JAK2: variants seen among roughly 807,000 people sequenced by gnomAD.
JAK2 encodes tyrosine-protein kinase JAK2.
A neutral mutation model predicts 139.3 loss-of-function variants in JAK2; 86 were observed. The ratio of observed to expected loss-of-function variants is 0.62; its 90% CI spans 0.52 to 0.74. The LOEUF is 0.74. JAK2 is among the 30% of genes least tolerant of loss of function. The probability of loss-of-function intolerance (pLI) is 0.00; values close to 1 mark genes in which losing one functional copy is unlikely to be tolerated. For synonymous variants in JAK2, 490 were observed against 437.7 expected (o/e 1.12, Z -1.49); for missense variants, 1,421 against 1,360.3 (o/e 1.04, Z -0.70).
rs201739773 is a variant in JAK2, at chr9:5,036,603, A to C, written c.350+6697A>C. Among the ~76,000 whole-genome samples the C allele has an allele frequency of 1.8e-3, 274 of 152,316 alleles. 3 individuals are homozygous for C. Among genetic ancestry groups the C allele is most frequent in the African/African-American group, 6.0e-3 (249 of 41,578 alleles). On this transcript the variant is annotated intron_variant, in intron 4 of 24. Transcript: ENST00000381652. ...CTTTGACAAACCTGACAAAAACAAGAAATGGGGAAAGGATTCCCTATTTAA... is the reference window on the plus strand; with the variant it reads ...CTTTGACAAACCTGACAAAAACAAGCAATGGGGAAAGGATTCCCTATTTAA...
At chr9:5,009,147 A>T (rs867299715) in intron 2 of JAK2, among the ~76,000 whole-genome samples, 2 of 152,354 alleles carry the variant, frequency 1.3e-5, no homozygotes, top group Non-Finnish European at 2.9e-5. Context: ...AACAACACAA[A>T]TCTTAAAATA....
chr9:5,122,411 A>G (rs1388414521), intron 22 of JAK2, among the ~76,000 whole-genome samples: 1 of 151,990 alleles, frequency 6.6e-6, no homozygotes, highest in Non-Finnish European at 1.5e-5. Flanking sequence ...TTGCCTTGGA[A>G]CCAATTTTTT....
intron 4 of JAK2, chr9:5,041,091 G>A (rs1382257769): frequency 9.1e-5 from 65 of 716,414 alleles, no homozygotes; most frequent in Non-Finnish European, 9.6e-5. Flanking sequence ...ACTACAGCCT[G>A]GAGGACCTGT....
chr9:5,111,005 ACGGGAAGG>A, intron 22 of JAK2: 1 of 720,340 alleles, frequency 1.4e-6, no homozygotes, highest in Non-Finnish European at 2.4e-6. Flanking sequence ...CCCGTTGCCA[ACGGGAAGG>A]GCCGGCCCGC....
chr9:5,111,943 A>G (rs961115093), intron 22 of JAK2: 17 of 344,942 alleles, frequency 4.9e-5, no homozygotes, highest in African/African-American at 6.6e-5. Context: ...CACTCAAGCA[A>G]TAACTTGTGG....
intron 2 of JAK2, among the ~76,000 whole-genome samples, chr9:5,020,838 G>T (rs76850706): frequency 0.04 from 6,100 of 152,196 alleles, 314 homozygotes; most frequent in African/African-American, 0.12. Context: ...GGGGCTCTAG[G>T]GGTGTGGATA....
intron 19 of JAK2, among the ~76,000 whole-genome samples, chr9:5,086,368 C>G (rs1432542039): frequency 6.6e-6 from 1 of 151,532 alleles, no homozygotes; most frequent in Admixed American, 6.5e-5. Flanking sequence ...CCTCTTTATT[C>G]CTTTTTCCTC....
At chr9:5,002,993 A>C (rs190558984) in intron 2 of JAK2, among the ~76,000 whole-genome samples, 1 of 152,146 alleles carries the variant, frequency 6.6e-6, no homozygotes, top group East Asian at 1.9e-4. Context: ...TGAAATGACC[A>C]ATATTTCTTC....
Position 5,127,846 on chromosome 9 carries a change from T to G in JAK2, c.*1055T>G, listed in dbSNP as rs1172774783. 1 of 232,468 alleles carries G rather than the reference T, an allele frequency of 4.3e-6. No homozygotes were observed. The highest frequency in any genetic ancestry group is 2.2e-5 in the African/African-American group (1 of 45,298). 14.4% of individuals were successfully genotyped at this position (232,468 alleles called of 1,614,324 possible). A position where few individuals can be genotyped will look rare whatever the true frequency, so the allele number is the denominator to read the frequency against. On this transcript the variant is annotated 3_prime_UTR_variant, in exon 25 of 25. Transcript: ENST00000381652. ...GGGGTTTCAGAATTTTGCATTGCAGTCATAGAAGAGATTTATTTCCTTTTT... is the reference window on the plus strand; with the variant it reads ...GGGGTTTCAGAATTTTGCATTGCAGGCATAGAAGAGATTTATTTCCTTTTT...
At chr9:4,992,089 G>T (rs923073795) in intron 2 of JAK2, among the ~76,000 whole-genome samples, 3 of 152,206 alleles carry the variant, frequency 2.0e-5, no homozygotes, top group South Asian at 4.1e-4. Context: ...ACTAGGACAT[G>T]AGTTGGGAAG....
At chr9:4,999,010 A>G (rs1820771880) in intron 2 of JAK2, among the ~76,000 whole-genome samples, 1 of 151,406 alleles carries the variant, frequency 6.6e-6, no homozygotes. Flanking sequence ...TATTTTCAGT[A>G]GAGACGGGGT....
At chr9:5,077,426 A>C in intron 14 of JAK2, 27 bp from the exon 15 acceptor site, 1 of 836,730 alleles carries the variant, frequency 1.2e-6, no homozygotes, top group Non-Finnish European at 1.7e-6. Context: ...CTTAAGCCTT[A>C]TTATTATTAC....
At position 5,126,801 on chromosome 9, in the gene JAK2, C is replaced by T. The variant is rs1390858164; in HGVS notation, c.*10C>T. The stretch of plus-strand genomic sequence containing the variant: ...TAACATGGCTGGATGAAAGAAATGA[C>T]CTTCATTCTGAGACCAAAGTAGATT... On this transcript the variant is annotated 3_prime_UTR_variant, in exon 25 of 25. Transcript: ENST00000381652. 7.1e-6 allele frequency: 11 copies of T among 1,554,554 alleles called. No individual in the cohort carries two copies. The Admixed American group carries it at 1.7e-4, about 24-fold the overall frequency.
At chr9:5,030,018 T>C (rs987666398) in intron 4 of JAK2, 112 bp downstream of exon 4, 3 of 800,300 alleles carry the variant, frequency 3.7e-6, no homozygotes, top group Non-Finnish European at 5.8e-6. Context: ...ACCAATTAGT[T>C]AGCACTCATT....
intron 4 of JAK2, among the ~76,000 whole-genome samples, chr9:5,043,437 AAGAC>A (rs1816764323): frequency 1.3e-5 from 2 of 152,270 alleles, no homozygotes; most frequent in African/African-American, 4.8e-5. Flanking sequence ...AAAAATCAGA[AAGAC>A]AAACAATAAC....
At chr9:5,053,958 CAG>C (rs1430339856) in intron 6 of JAK2, among the ~76,000 whole-genome samples, 1 of 151,824 alleles carries the variant, frequency 6.6e-6, no homozygotes, top group East Asian at 1.9e-4. Flanking sequence ...CTTAGAAGCA[CAG>C]AAATAAATTA....
intron 3 of JAK2, among the ~76,000 whole-genome samples, chr9:5,023,305 G>A (rs1484627527): frequency 6.6e-6 from 1 of 152,160 alleles, no homozygotes; most frequent in African/African-American, 2.4e-5. Context: ...ATGACCTTCA[G>A]TTCCATCCAT....
At chr9:4,998,820 G>C (rs1461064944) in intron 2 of JAK2, among the ~76,000 whole-genome samples, 1 of 151,698 alleles carries the variant, frequency 6.6e-6, no homozygotes, top group Non-Finnish European at 1.5e-5. Flanking sequence ...TCTCTTCATG[G>C]CATCAGTTTT....
In JAK2 at chr9:5,072,613, G is replaced by T; in HGVS notation, c.1763G>T (p.Arg588Ile). ...VLLKVLDKAHRNYSESFFEAA... is the reference protein window; with the variant it reads ...VLLKVLDKAHINYSESFFEAA... ...TTAAAAGTTCTGGATAAAGCACACA[G>T]AAACTATTCAGAGGTGTGTATGTTC... The change falls in exon 13 of 25, where the codon AGA becomes ATA. Residue 588 changes from arginine (R) to isoleucine (I), a missense_variant. Physicochemically the swap from Arg to Ile is moderately conservative, Grantham distance 97. Coordinates refer to ENST00000381652, the MANE Select transcript of JAK2 (RefSeq NM_004972.4). 6.2e-7 allele frequency: 1 copy of T among 1,605,366 alleles called. No homozygotes were observed. The highest frequency in any genetic ancestry group is 1.1e-5 in the South Asian group (1 of 89,552).
Sources: gnomAD v4.1 joint callset for allele counts (sites outside exome capture counted in the v4.1 genomes callset) on GRCh38, gnomAD v4.1.1 for gene constraint, MANE v1.5 for transcripts, NCBI Gene and HGNC (gene_info 2026-07-23, HGNC 2026-07-21) for gene names.